The following DENND4C variants were observed in gnomAD, a reference collection of about 807,000 sequenced individuals.
The protein encoded by DENND4C is DENN domain-containing protein 4C.
Under a neutral mutation model 203.0 loss-of-function variants are expected in DENND4C, and 108 were observed. That is an observed-to-expected ratio of 0.53 (90% CI 0.46 to 0.62). DENND4C has a LOEUF of 0.62. Ranked by LOEUF, DENND4C falls within the 20% of genes least tolerant of loss-of-function variation. The probability of loss-of-function intolerance (pLI) is 0.00; values close to 1 mark genes in which losing one functional copy is unlikely to be tolerated. For synonymous variants in DENND4C, 871 were observed against 792.4 expected (o/e 1.10, Z -1.67); for missense variants, 2,481 against 2,301.2 (o/e 1.08, Z -1.60).
intron 4 of DENND4C, among the ~76,000 whole-genome samples, chr9:19,290,199 G>C (rs1378558040): frequency 4.6e-5 from 7 of 152,160 alleles, no homozygotes; most frequent in Non-Finnish European, 7.4e-5. Flanking sequence ...CACATACTCT[G>C]TACTTAGTCA....
At chr9:19,231,508 CTG>C (rs1164951489) in intron 1 of DENND4C, among the ~76,000 whole-genome samples, 1 of 151,748 alleles carries the variant, frequency 6.6e-6, no homozygotes, top group Non-Finnish European at 1.5e-5. Context: ...CTGTAAAGAG[CTG>C]TAACTTTTTC....
chr9:19,324,621 ATG>A, intron 13 of DENND4C, 114 bp downstream of exon 13: 1 of 995,794 alleles, frequency 1.0e-6, no homozygotes, highest in Non-Finnish European at 1.5e-6. Flanking sequence ...AGGGTTGTGT[ATG>A]TGTGTGTATG....
At chr9:19,339,020 A>G (rs1328232552) in intron 20 of DENND4C, among the ~76,000 whole-genome samples, 1 of 152,228 alleles carries the variant, frequency 6.6e-6, no homozygotes, top group East Asian at 1.9e-4. Flanking sequence ...AATAACTTCA[A>G]ACTTACAGAA....
At chr9:19,261,136 G>A (rs552262848) in intron 1 of DENND4C, among the ~76,000 whole-genome samples, 2 of 152,168 alleles carry the variant, frequency 1.3e-5, no homozygotes, top group African/African-American at 4.8e-5. Flanking sequence ...CTCAATGTCT[G>A]TTCCTACCAC....
chr9:19,274,489 T>A (rs1832451161), intron 1 of DENND4C, among the ~76,000 whole-genome samples: 1 of 152,168 alleles, frequency 6.6e-6, no homozygotes, highest in Admixed American at 6.5e-5. Flanking sequence ...GAGATGGGAT[T>A]TCTCCATGTT....
At chr9:19,285,221 T>G (rs1834949842) in intron 2 of DENND4C, among the ~76,000 whole-genome samples, 2 of 152,178 alleles carry the variant, frequency 1.3e-5, no homozygotes, top group Non-Finnish European at 2.9e-5. Flanking sequence ...TTCTGTTCAC[T>G]TCCTTGCTAA....
chr9:19,296,108 A>G lies in DENND4C; in HGVS notation c.902A>G (p.Lys301Arg), dbSNP rs1205626165. ...HLGLLTPVERKMVSKSINTNK... is the reference protein window; with the variant it reads ...HLGLLTPVERRMVSKSINTNK... ...GGCTTGTTGACGCCTGTGGAGAGAA[A>G]AATGGTCTCCAAATCCATCAATACA... Residue 301 changes from lysine to arginine, a missense_variant, in exon 6 of 33, where the codon AAA (lysine) becomes AGA (arginine). By Grantham distance (26) the Lys-to-Arg change is conservative (BLOSUM62 2). Around this residue, in one of 3 missense-constraint regions of DENND4C, gnomAD observed 2,289 missense variants for 2,113.3 expected, o/e 1.08. Coordinates refer to ENST00000434457, the MANE Select transcript of DENND4C (RefSeq NM_001330640.2). 6.2e-7 allele frequency: 1 copy of G among 1,614,060 alleles called. No homozygotes were observed. Among genetic ancestry groups the G allele is most frequent in the South Asian group, 1.1e-5 (1 of 91,082 alleles).
rs1447525810 is a variant in DENND4C, at chr9:19,356,810, A to AGAGAGAGAGAGAGAGAGAGT, written c.4782-155_4782-154insAGAGAGAGAGAGTGAGAGAG. 7.5e-3 allele frequency among the ~76,000 whole-genome samples: 1,100 copies of AGAGAGAGAGAGAGAGAGAGT among 146,474 alleles called. 7 individuals are homozygous for AGAGAGAGAGAGAGAGAGAGT. The highest frequency in any genetic ancestry group is 0.041 in the South Asian group (189 of 4,558). On this transcript the variant is annotated intron_variant, in intron 26 of 32. Coordinates refer to ENST00000434457, the MANE Select transcript of DENND4C (RefSeq NM_001330640.2). ...GTGTGAGAGAGAGAGAGAGAGAGAG[A>AGAGAGAGAGAGAGAGAGAGT]GAGAGAGTGAGAGTGTATTGGAAAT...
At chr9:19,350,261 G>T (rs1823788879) in intron 23 of DENND4C, among the ~76,000 whole-genome samples, 1 of 152,114 alleles carries the variant, frequency 6.6e-6, no homozygotes, top group Admixed American at 6.5e-5. Context: ...CATATTTTCA[G>T]ATTACATAAT....
intron 1 of DENND4C, among the ~76,000 whole-genome samples, chr9:19,260,053 T>A (rs543368064): frequency 6.6e-6 from 1 of 152,330 alleles, no homozygotes; most frequent in African/African-American, 2.4e-5. Context: ...TTCTCCATAG[T>A]TACCATACTA....
intron 16 of DENND4C, among the ~76,000 whole-genome samples, chr9:19,329,156 A>G (rs1285534891): frequency 6.6e-6 from 1 of 152,180 alleles, no homozygotes; most frequent in African/African-American, 2.4e-5. Context: ...CTACCACCAC[A>G]ATTAATTTTA....
At chr9:19,230,664 A>G (rs1401062268), upstream of DENND4C, 3 of 152,200 alleles carry the variant, frequency 2.0e-5, no homozygotes, top group African/African-American at 7.2e-5. Context: ...CGCCCCTCGG[A>G]GACCCTGCCC....
In DENND4C at chr9:19,358,933, TA is replaced by T. The variant is rs1337843177; in HGVS notation, c.5160+776del. Among the ~76,000 whole-genome samples, 5 of 151,822 alleles carry T rather than the reference TA, an allele frequency of 3.3e-5. No individual in the cohort carries two copies. Among genetic ancestry groups the T allele is most frequent in the Non-Finnish European group, 7.4e-5 (5 of 68,024 alleles). On this transcript the variant is annotated intron_variant, in intron 28 of 32. Transcript: ENST00000434457. The surrounding 1 kb of genome is among the most constrained non-coding windows in gnomAD (Gnocchi z 4.8). ...GGTATGTTCCTCCCAGCAGGAGACA[TA>T]AACATTAGTAGCTATTAATGCCTTA... is the stretch of plus-strand genomic sequence containing the variant.
intron 15 of DENND4C, among the ~76,000 whole-genome samples, chr9:19,327,282 A>G (rs1433483834): frequency 6.6e-6 from 1 of 152,130 alleles, no homozygotes. Context: ...TCCAAAGTCA[A>G]TAATATAAAA....
chr9:19,286,997 T>G lies in DENND4C; in HGVS notation c.534T>G (p.Val178=). 2.4e-6 allele frequency: 3 copies of G among 1,232,112 alleles called. No homozygotes were observed. Among genetic ancestry groups the G allele is most frequent in the Non-Finnish European group, 3.0e-6 (3 of 987,936 alleles). The allele number at this position is 1,232,112 out of a possible 1,614,324, so 76.3% of individuals were successfully genotyped here. ...CTCCTCCTCATACCTTCTGCAAAGTTGACAAAAACTTAAATTGTGGAATGG... is the reference window on the plus strand; with the variant it reads ...CTCCTCCTCATACCTTCTGCAAAGTGGACAAAAACTTAAATTGTGGAATGG... ...GETPPHTFCK[V]DKNLNCGMWG... The change falls in exon 3 of 33, where the codon GTT becomes GTG. Residue 178 remains valine (V), a synonymous_variant. Transcript: ENST00000434457.
In DENND4C at chr9:19,254,428, C is replaced by A. The variant is rs530700264; in HGVS notation, c.-17-21730C>A. 2.0e-5 allele frequency among the ~76,000 whole-genome samples: 3 copies of A among 152,294 alleles called. No individual in the cohort carries two copies. The South Asian group carries it at 6.2e-4, about 32-fold the overall frequency. ...AGCCATAAAAAGAAGGAAATCCTGT[C>A]ATTGGTGACATTATGGATGAAACTG... On this transcript the variant is annotated intron_variant, in intron 1 of 32. Coordinates refer to ENST00000434457, the MANE Select transcript of DENND4C (RefSeq NM_001330640.2).
rs1389174653 is a variant in DENND4C, at chr9:19,373,704, A to T, written c.*1531A>T. Among the ~76,000 whole-genome samples, 1 of 152,106 alleles carries T rather than the reference A, an allele frequency of 6.6e-6. No homozygotes were observed. The highest frequency in any genetic ancestry group is 6.6e-5 in the Admixed American group (1 of 15,256). ...CCTTAGGAACAGTAAGTTTGCCTTA[A>T]CTCTCTGCATGGTTTAAAAAGCCAT... On this transcript the variant is annotated 3_prime_UTR_variant, in exon 33 of 33. Coordinates refer to ENST00000434457, the MANE Select transcript of DENND4C (RefSeq NM_001330640.2).
rs764514703 is a variant in DENND4C, at chr9:19,296,200, A to G, written c.994A>G (p.Ile332Val). 6.2e-7 allele frequency: 1 copy of G among 1,613,786 alleles called. No individual in the cohort carries two copies. The highest frequency in any genetic ancestry group is 1.7e-5 in the Admixed American group (1 of 59,998). ...FEAFRKFLMFIYKLSVSGPHP... is the reference protein window; with the variant it reads ...FEAFRKFLMFVYKLSVSGPHP... ...AGCTTTTAGGAAATTTCTTATGTTTATCTACAAACTTTCTGTGTCTGGACC... is the reference window on the plus strand; with the variant it reads ...AGCTTTTAGGAAATTTCTTATGTTTGTCTACAAACTTTCTGTGTCTGGACC... The change falls in exon 6 of 33, where the codon ATC becomes GTC. Residue 332 changes from isoleucine to valine, a missense_variant. By Grantham distance (29) the Ile-to-Val change is conservative. This residue lies in a region of DENND4C where 2,289 missense variants were observed against 2,113.3 expected (regional missense o/e 1.08). Coordinates refer to ENST00000434457, the MANE Select transcript of DENND4C (RefSeq NM_001330640.2).
intron 17 of DENND4C, among the ~76,000 whole-genome samples, chr9:19,333,948 T>A (rs753249280): frequency 2.6e-5 from 4 of 152,216 alleles, no homozygotes; most frequent in Non-Finnish European, 5.9e-5. Flanking sequence ...CTGTAGGCAT[T>A]TTGGAGATAC....
Sources: gnomAD v4.1 joint callset for allele counts (sites outside exome capture counted in the v4.1 genomes callset) on GRCh38, gnomAD v4.1.1 for gene constraint, gnomAD v4.1.1 regional missense constraint, Gnocchi (gnomAD v3.1) non-coding constraint, MANE v1.5 for transcripts, NCBI Gene and HGNC (gene_info 2026-07-23, HGNC 2026-07-21) for gene names.